The following CCDC134 variants were observed in gnomAD, a reference collection of about 807,000 sequenced individuals.
CCDC134 encodes coiled-coil domain containing 134, also known as coiled-coil domain-containing protein 134.
A neutral mutation model predicts 25.6 loss-of-function variants in CCDC134; 27 were observed. That is an observed-to-expected ratio of 1.05 (90% CI 0.78 to 1.45). The LOEUF is 1.45. Ranked by LOEUF, CCDC134 falls within the 40% of genes most tolerant of loss-of-function variation. The pLI is 0.00. For synonymous variants in CCDC134, 110 were observed against 115.0 expected, an observed-to-expected ratio of 0.96 and a Z score of 0.28; for missense variants, 261 against 286.7, an observed-to-expected ratio of 0.91 and a Z score of 0.65.
Position 41,808,949 on chromosome 22 carries a change from C to T in CCDC134, c.59C>T (p.Ala20Val). 1 of 1,614,166 alleles carries T rather than the reference C, an allele frequency of 6.2e-7. No homozygotes were observed. The highest frequency in any genetic ancestry group is 8.5e-7 in the Non-Finnish European group (1 of 1,180,036). Reference sequence around the variant, plus strand: ...GTCCTGCTTTTGTCTGGGATGGGAGCCACAGGCACCTTGAGGACCTCCCTG... The same window carrying T: ...GTCCTGCTTTTGTCTGGGATGGGAGTCACAGGCACCTTGAGGACCTCCCTG... The part of the protein sequence containing the change: ...LFVLLLSGMG[A>V]TGTLRTSLDP... Residue 20 changes from alanine to valine, a missense_variant, in exon 2 of 7, where the codon GCC (alanine) becomes GTC (valine). Ala to Val is a moderately conservative substitution (Grantham distance 64, BLOSUM62 0). Transcript: ENST00000255784.
intron 2 of CCDC134, 85 bp downstream of exon 2, chr22:41,809,078 A>C: frequency 8.6e-7 from 1 of 1,157,566 alleles, no homozygotes; most frequent in East Asian, 2.4e-5. Context: ...AGGGATAAGC[A>C]GGCCCAGCTG....
At chr22:41,806,823 G>A (rs1602234942) in intron 1 of CCDC134, among the ~76,000 whole-genome samples, 1 of 151,984 alleles carries the variant, frequency 6.6e-6, no homozygotes, top group Non-Finnish European at 1.5e-5. Context: ...TGAGGCGGTG[G>A]ATCACCTAAG....
intron 1 of CCDC134, among the ~76,000 whole-genome samples, chr22:41,801,125 C>G (rs1569351623): frequency 3.9e-5 from 6 of 152,216 alleles, no homozygotes; most frequent in Admixed American, 3.9e-4. Flanking sequence ...GGCTGCTGTT[C>G]TGGCTTTTCT....
intron 6 of CCDC134, among the ~76,000 whole-genome samples, chr22:41,815,282 T>G (rs569068293): frequency 2.5e-3 from 368 of 149,090 alleles, no homozygotes; most frequent in African/African-American, 8.7e-3. Flanking sequence ...CTCGGCTCAC[T>G]GCAAGTTCTG....
At chr22:41,819,375 C>T (rs1311135615) in intron 6 of CCDC134, among the ~76,000 whole-genome samples, 2 of 152,180 alleles carry the variant, frequency 1.3e-5, no homozygotes, top group African/African-American at 2.4e-5. Context: ...TTCTCTGAGG[C>T]GAGCCTGACC....
At chr22:41,822,737 G>A (rs528233416) in intron 6 of CCDC134, among the ~76,000 whole-genome samples, 8 of 152,294 alleles carry the variant, frequency 5.3e-5, no homozygotes, top group South Asian at 2.1e-4. Context: ...CCAGCTCCCC[G>A]TCTTAAGTGG....
chr22:41,820,000 A>ATTTTT (rs1197802046), intron 6 of CCDC134, among the ~76,000 whole-genome samples: 1 of 67,670 alleles, frequency 1.5e-5, no homozygotes, highest in East Asian at 6.9e-4. Flanking sequence ...TATATATATA[A>ATTTTT]TTTTTTTTTT....
intron 1 of CCDC134, among the ~76,000 whole-genome samples, chr22:41,807,827 C>T (rs1210203567): frequency 6.6e-6 from 1 of 152,060 alleles, no homozygotes; most frequent in African/African-American, 2.4e-5. Flanking sequence ...TGGAGACCAG[C>T]CTGGGCAATA....
At chr22:41,808,249 A>T (rs1380661463) in intron 1 of CCDC134, among the ~76,000 whole-genome samples, 1 of 152,094 alleles carries the variant, frequency 6.6e-6, no homozygotes, top group Non-Finnish European at 1.5e-5. Context: ...CTATGGTTCC[A>T]AAGTGAGTGA....
chr22:41,828,095 C>A lies in CCDC134; in HGVS notation c.*2272C>A, dbSNP rs539643821. 9.2e-5 allele frequency among the ~76,000 whole-genome samples: 14 copies of A among 152,304 alleles called. No individual in the cohort carries two copies. Among genetic ancestry groups the A allele is most frequent in the African/African-American group, 3.1e-4 (13 of 41,556 alleles). On this transcript the variant is annotated 3_prime_UTR_variant, in exon 7 of 7. Transcript: ENST00000255784. ...GGTTCTTTCTACTGAATAACTTCTA[C>A]GGGCTCTGTCATTAGCAGGATTTGT...
intron 6 of CCDC134, among the ~76,000 whole-genome samples, chr22:41,817,010 ATT>A (rs201987052): frequency 0.017 from 2,617 of 152,270 alleles, 74 homozygotes; most frequent in African/African-American, 0.059. Flanking sequence ...TAGATCTTTC[ATT>A]CAGAAATGTC....
Position 41,808,977 on chromosome 22 carries a change from C to G in CCDC134, c.87C>G (p.Asp29Glu). 1 of 1,613,806 alleles carries G rather than the reference C, an allele frequency of 6.2e-7. No homozygotes were observed. The highest frequency in any genetic ancestry group is 1.1e-5 in the South Asian group (1 of 91,066). ...CAGGCACCTTGAGGACCTCCCTGGA[C>G]CCAAGCCTGGAGATCTGTATCCTTT... ...GATGTLRTSL[D>E]PSLEIYKKMF... The change falls in exon 2 of 7, where the codon GAC becomes GAG. Residue 29 changes from aspartate to glutamate, a missense_variant. Asp to Glu is a conservative substitution (Grantham distance 45, BLOSUM62 2). Coordinates refer to ENST00000255784, the MANE Select transcript of CCDC134 (RefSeq NM_024821.5).
chr22:41,823,118 T>G (rs2076659949), intron 6 of CCDC134, among the ~76,000 whole-genome samples: 1 of 152,230 alleles, frequency 6.6e-6, no homozygotes, highest in African/African-American at 2.4e-5. Context: ...ACTGTGACTT[T>G]AAGTGAATCT....
intron 1 of CCDC134, among the ~76,000 whole-genome samples, chr22:41,803,534 A>G (rs574088177): frequency 6.6e-6 from 1 of 152,168 alleles, no homozygotes; most frequent in Non-Finnish European, 1.5e-5. Context: ...TTGGGAGGCC[A>G]AGATGGCCAG....
chr22:41,812,281 G>A (rs949829203), intron 4 of CCDC134, among the ~76,000 whole-genome samples: 4 of 152,106 alleles, frequency 2.6e-5, no homozygotes, highest in Non-Finnish European at 4.4e-5. Flanking sequence ...AAGTAGCCGG[G>A]TGTGGTGGCA....
chr22:41,819,771 C>A (rs1393233228), intron 6 of CCDC134, among the ~76,000 whole-genome samples: 1 of 151,362 alleles, frequency 6.6e-6, no homozygotes, highest in Non-Finnish European at 1.5e-5. Context: ...ATCTGTGTAT[C>A]CCAAGGAAGA....
At chr22:41,824,967 G>A (rs2076669251) in intron 6 of CCDC134, among the ~76,000 whole-genome samples, 1 of 152,076 alleles carries the variant, frequency 6.6e-6, no homozygotes, top group African/African-American at 2.4e-5. Flanking sequence ...CCTTGGTGAT[G>A]GACCCGAGGA....
rs957033720 is a variant in CCDC134, at chr22:41,827,744, C to T, written c.*1921C>T. On this transcript the variant is annotated 3_prime_UTR_variant, in exon 7 of 7. Transcript: ENST00000255784. ...TGGCCTTATGTTCCCTGCCTCCAGA[C>T]CCTATTTTCCTGCATCAACGGGAAA... Among the ~76,000 whole-genome samples the T allele has an allele frequency of 4.6e-5, 7 of 152,210 alleles. No individual in the cohort carries two copies. The highest frequency in any genetic ancestry group is 8.8e-5 in the Non-Finnish European group (6 of 68,038).
At chr22:41,807,207 T>C (rs577757363) in intron 1 of CCDC134, among the ~76,000 whole-genome samples, 4 of 152,286 alleles carry the variant, frequency 2.6e-5, no homozygotes, top group African/African-American at 9.6e-5. Flanking sequence ...ACATTGTTTT[T>C]CTAGGCCCTC....
Sources: allele counts gnomAD v4.1 joint callset (sites outside exome capture counted in the v4.1 genomes callset), GRCh38; gene constraint gnomAD v4.1.1; transcripts MANE v1.5; gene names NCBI Gene and HGNC (gene_info 2026-07-23, HGNC 2026-07-21).